CHKA: variants seen among roughly 807,000 people sequenced by gnomAD.
CHKA encodes choline kinase alpha.
CHKA carries 34 observed loss-of-function variants against 60.1 expected under a neutral mutation model. That is an observed-to-expected ratio of 0.57 (90% CI 0.43 to 0.75). The LOEUF is 0.75. CHKA is among the 30% of genes least tolerant of loss of function. The pLI, the probability that CHKA is intolerant of heterozygous loss-of-function variation, is 0.00. For missense variants in CHKA, 563 were observed against 561.3 expected, an observed-to-expected ratio of 1.00 and a Z score of -0.03; for synonymous variants, 217 against 223.1, an observed-to-expected ratio of 0.97 and a Z score of 0.24.
chr11:68,061,635 A>G (rs1263932327), intron 11 of CHKA: 2 of 454,978 alleles, frequency 4.4e-6, no homozygotes, highest in African/African-American at 2.0e-5. Flanking sequence ...TCAGAGCTGG[A>G]CTTCGAGGGT....
intron 11 of CHKA, 82 bp downstream of exon 11, chr11:68,061,871 G>A: frequency 1.0e-6 from 1 of 981,456 alleles, no homozygotes; most frequent in Middle Eastern, 2.1e-4. Context: ...ACAGTCATTT[G>A]CTGCCAACAT....
intron 2 of CHKA, among the ~76,000 whole-genome samples, chr11:68,087,867 C>T (rs983926257): frequency 3.3e-5 from 5 of 152,022 alleles, no homozygotes; most frequent in Non-Finnish European, 5.9e-5. Flanking sequence ...AATCCCAGCA[C>T]GTTGGGAGGC....
intron 1 of CHKA, among the ~76,000 whole-genome samples, chr11:68,111,068 G>A (rs1230580398): frequency 6.6e-6 from 1 of 151,272 alleles, no homozygotes; most frequent in Admixed American, 6.6e-5. Context: ...AGCCAATGAA[G>A]AATAAAGTCA....
intron 2 of CHKA, among the ~76,000 whole-genome samples, chr11:68,088,636 A>G (rs935696671): frequency 2.0e-5 from 3 of 151,860 alleles, no homozygotes; most frequent in Non-Finnish European, 4.4e-5. Context: ...TTTGCAGTAT[A>G]TTTTCTTGGC....
intron 1 of CHKA, among the ~76,000 whole-genome samples, chr11:68,110,673 T>A (rs1283762317): frequency 6.6e-6 from 1 of 152,174 alleles, no homozygotes; most frequent in East Asian, 1.9e-4. Context: ...CCCAGCAAGT[T>A]ATTTTGTGAA....
intron 11 of CHKA, among the ~76,000 whole-genome samples, chr11:68,057,342 C>T (rs1030139629): frequency 1.1e-4 from 16 of 152,100 alleles, no homozygotes; most frequent in South Asian, 6.2e-4. Flanking sequence ...TTTTTTGAGA[C>T]GGAGTCTCAT....
At chr11:68,064,048 G>A (rs942688196) in intron 10 of CHKA, among the ~76,000 whole-genome samples, 5 of 152,202 alleles carry the variant, frequency 3.3e-5, no homozygotes, top group African/African-American at 1.2e-4. Flanking sequence ...GCATAGTCTC[G>A]GCCACAATGG....
chr11:68,067,352 C>T (rs919834982), intron 7 of CHKA, among the ~76,000 whole-genome samples: 18 of 152,194 alleles, frequency 1.2e-4, no homozygotes, highest in African/African-American at 4.1e-4. Flanking sequence ...CTTGTAATCA[C>T]AGCACTTTGG....
chr11:68,084,283 C>T (rs1847119546), intron 2 of CHKA, among the ~76,000 whole-genome samples: 1 of 142,566 alleles, frequency 7.0e-6, no homozygotes, highest in Non-Finnish European at 1.5e-5. Flanking sequence ...CGTATATATA[C>T]ACATATATAT....
At chr11:68,069,336 C>T (rs1856541795) in intron 6 of CHKA, among the ~76,000 whole-genome samples, 1 of 152,136 alleles carries the variant, frequency 6.6e-6, no homozygotes, top group Admixed American at 6.5e-5. Flanking sequence ...ACTTGTTTTC[C>T]CTCAGCAGCG....
intron 3 of CHKA, among the ~76,000 whole-genome samples, chr11:68,077,503 G>C (rs546150081): frequency 1.7e-4 from 26 of 152,166 alleles, no homozygotes; most frequent in African/African-American, 4.6e-4. Context: ...TACTTTTTCA[G>C]ATATCTCAAC....
chr11:68,106,685 G>A (rs925625904), intron 1 of CHKA, among the ~76,000 whole-genome samples: 2 of 152,166 alleles, frequency 1.3e-5, no homozygotes, highest in African/African-American at 4.8e-5. Context: ...AGAAGTTTCT[G>A]CGAAAATTAC....
chr11:68,063,424 T>TA (rs1343930843), intron 10 of CHKA, among the ~76,000 whole-genome samples: 2 of 151,220 alleles, frequency 1.3e-5, no homozygotes, highest in East Asian at 2.0e-4. Flanking sequence ...TGCTAAGAGT[T>TA]AGAGGCTGCA....
chr11:68,065,451 G>C (rs145270368), intron 9 of CHKA, among the ~76,000 whole-genome samples: 228 of 152,334 alleles, frequency 1.5e-3, no homozygotes, highest in African/African-American at 5.4e-3. Context: ...TGTAATCCCA[G>C]CAGTTTGGGA....
chr11:68,053,923 G>A lies in CHKA; in HGVS notation c.*65C>T, dbSNP rs921982259. On this transcript the variant is annotated 3_prime_UTR_variant, in exon 12 of 12. Transcript: ENST00000265689. ...ACAGGAGCAGTAGTCGAAGCACAGAGGGGACCCCGCTCTGCTGCCTCCCCA... is the reference window on the plus strand; with the variant it reads ...ACAGGAGCAGTAGTCGAAGCACAGAAGGGACCCCGCTCTGCTGCCTCCCCA... 7.6e-6 allele frequency: 11 copies of A among 1,447,578 alleles called. No individual in the cohort carries two copies. The highest frequency in any genetic ancestry group is 1.7e-5 in the Admixed American group (1 of 57,652). The allele number at this position is 1,447,578 out of a possible 1,614,324, so 89.7% of individuals were successfully genotyped here.
At chr11:68,096,608 C>T (rs978215172) in intron 2 of CHKA, among the ~76,000 whole-genome samples, 35 of 152,140 alleles carry the variant, frequency 2.3e-4, no homozygotes, top group African/African-American at 7.7e-4. Flanking sequence ...TGAGATCATA[C>T]TTTGTTAACT....
chr11:68,115,813 C>T (rs969398337), intron 1 of CHKA, among the ~76,000 whole-genome samples: 3 of 152,138 alleles, frequency 2.0e-5, no homozygotes, highest in African/African-American at 7.2e-5. Context: ...AAAATTGTAT[C>T]TTGAAAAATG....
intron 9 of CHKA, 72 bp from the exon 10 acceptor site, chr11:68,064,703 T>C: frequency 1.2e-6 from 1 of 857,836 alleles, no homozygotes; most frequent in South Asian, 1.6e-5. Context: ...TCACTAAGCA[T>C]ATGCATCTAC....
chr11:68,054,444 A>C (rs1025565709), intron 11 of CHKA, among the ~76,000 whole-genome samples: 1 of 152,222 alleles, frequency 6.6e-6, no homozygotes, highest in Non-Finnish European at 1.5e-5. Context: ...AGGCGAGTCT[A>C]GAACAGAAGG....
Sources: gnomAD v4.1 joint callset for allele counts (sites outside exome capture counted in the v4.1 genomes callset) on GRCh38, gnomAD v4.1.1 for gene constraint, MANE v1.5 for transcripts, NCBI Gene and HGNC (gene_info 2026-07-23, HGNC 2026-07-21) for gene names.